The following TAF1 variants were observed in gnomAD, a reference collection of about 807,000 sequenced individuals.
TAF1 encodes TATA-box binding protein associated factor 1, also known as transcription initiation factor TFIID subunit 1.
Under a neutral mutation model 138.5 loss-of-function variants are expected in TAF1, and 2 were observed. That is an observed-to-expected ratio of 0.01 (90% CI 0.01 to 0.05). TAF1 has a LOEUF of 0.05. Among genes scored for constraint, TAF1 ranks in the 10% least tolerant of loss-of-function variants. TAF1 has a pLI of 1.00. For synonymous variants in TAF1, 437 were observed against 503.2 expected, an observed-to-expected ratio of 0.87 and a Z score of 1.76; for missense variants, 709 against 1,478.0, an observed-to-expected ratio of 0.48 and a Z score of 8.53.
chrX:71,450,180 T>A (rs1389374289), intron 32 of TAF1, among the ~76,000 whole-genome samples: 1 of 111,114 alleles, frequency 9.0e-6, no homozygotes, highest in Non-Finnish European at 1.9e-5. Flanking sequence ...TGACCTATAC[T>A]TGTAAGACGT....
In TAF1 at chrX:71,460,685, A is replaced by G. The variant is rs764807002; in HGVS notation, c.5281A>G (p.Lys1761Glu). The G allele has an allele frequency of 8.3e-7, 1 of 1,211,486 alleles. No homozygotes were observed. Among genetic ancestry groups the G allele is most frequent in the East Asian group, 3.0e-5 (1 of 33,867 alleles). ...SDVGSGGIRP[K>E]QPRMLQENTR... The stretch of plus-strand genomic sequence containing the variant: ...TGTGGGATCTGGTGGAATAAGACCC[A>G]AACAACCCCGCATGCTTCAGGAGAA... The change falls in exon 37 of 38, where the codon AAA (lysine) becomes GAA (glutamate). Residue 1761 changes from lysine (K) to glutamate (E), a missense_variant. This residue lies in a region of TAF1 where 123 missense variants were observed against 174.7 expected (regional missense o/e 0.70). Transcript: ENST00000423759.
chrX:71,378,046 T>A lies in TAF1; in HGVS notation c.934-189T>A, dbSNP rs867649947. 5 of 585,234 alleles carry A rather than the reference T, an allele frequency of 8.5e-6. No individual in the cohort carries two copies. In the Middle Eastern group the frequency reaches 1.7e-3, roughly 199 times the overall value. 48.2% of individuals were successfully genotyped at this position (585,234 alleles called of 1,213,427 possible). A position where few individuals can be genotyped will look rare whatever the true frequency, so the allele number is the denominator to read the frequency against. ...GGGATGAGAGGGGTAGATGGTGATA[T>A]GCTGCTGAATAAGAAGGTTTGATTG... On this transcript the variant is annotated intron_variant, in intron 6 of 37. Transcript: ENST00000423759.
chrX:71,528,402 T>G (rs2040037821), intron 13 of TAF1: 1 of 257,348 alleles, frequency 3.9e-6, no homozygotes, highest in African/African-American at 2.9e-5. Flanking sequence ...GTGGGTACTT[T>G]CAGACACACA....
At chrX:71,475,600 AG>A (rs1280434474) in intron 13 of TAF1, among the ~76,000 whole-genome samples, 5,514 of 106,652 alleles carry the variant, frequency 0.052, 433 homozygotes, top group African/African-American at 0.18. Flanking sequence ...AAAAAAAAAA[AG>A]AAAAAGAAAA....
Position 71,383,171 on chromosome X carries a change from T to C in TAF1, c.1947+7T>C, listed in dbSNP as rs1232904858. On this transcript the variant is annotated splice_region_variant and intron_variant, in intron 12 of 37. Transcript: ENST00000423759. Reference sequence around the variant, plus strand: ...CATCAAAAAAAAGGCCAAGGTATAATTGAATTCTGGTTAGAAAACAGCTAT... The same window carrying C: ...CATCAAAAAAAAGGCCAAGGTATAACTGAATTCTGGTTAGAAAACAGCTAT... 1 of 1,204,983 alleles carries C rather than the reference T, an allele frequency of 8.3e-7. No homozygotes were observed. Among genetic ancestry groups the C allele is most frequent in the African/African-American group, 1.8e-5 (1 of 56,904 alleles).
chrX:71,440,816 C>T (rs754046833), intron 32 of TAF1, among the ~76,000 whole-genome samples: 2 of 111,241 alleles, frequency 1.8e-5, no homozygotes, highest in African/African-American at 3.3e-5. Flanking sequence ...TTCTTGCTCT[C>T]GGTCTTAAAA....
chrX:71,425,432 G>C (rs1184713865), intron 32 of TAF1, among the ~76,000 whole-genome samples: 2 of 111,334 alleles, frequency 1.8e-5, no homozygotes, highest in East Asian at 2.8e-4. Flanking sequence ...AGGAGTTTGA[G>C]ACCAGCCTGG....
In TAF1 at chrX:71,368,048, T is replaced by A. The variant is rs759281352; in HGVS notation, c.236-6T>A. ...GTTGTTGCGATTCTCCCTGCTTTTT[T>A]CATAGGGTGGGTTAGGAGTACAGAA... On this transcript the variant is annotated splice_region_variant and splice_polypyrimidine_tract_variant and intron_variant, in intron 2 of 37. Transcript: ENST00000423759. 5 of 1,208,892 alleles carry A rather than the reference T, an allele frequency of 4.1e-6. No homozygotes were observed. In the South Asian group the frequency reaches 8.8e-5, roughly 21 times the overall value.
chrX:71,462,973 T>A (rs2038614456), intron 37 of TAF1, among the ~76,000 whole-genome samples: 1 of 111,922 alleles, frequency 8.9e-6, no homozygotes, highest in Non-Finnish European at 1.9e-5. Context: ...TGAGAGACTG[T>A]TAAGTCATGT....
rs941024099 is a variant in TAF1, at chrX:71,524,680, C to T, written c.1367-3862C>T. Among the ~76,000 whole-genome samples, 31 of 108,809 alleles carry T rather than the reference C, an allele frequency of 2.8e-4. 1 individual carries two copies. Among genetic ancestry groups the T allele is most frequent in the Non-Finnish European group, 3.8e-4 (20 of 52,385 alleles). 94.5% of individuals were successfully genotyped at this position (108,809 alleles called of 115,157 possible). On this transcript the variant is annotated intron_variant and NMD_transcript_variant, in intron 13 of 14. Coordinates refer to the TAF1 transcript ENST00000373775. ...AAAAATGGCTGGGTGTGGTGGCTCA[C>T]GCCTGTAATCCCAGCACTTTGGGAG...
At chrX:71,401,476 A>G in intron 24 of TAF1, 52 bp from the exon 25 acceptor site, 1 of 1,182,800 alleles carries the variant, frequency 8.5e-7, no homozygotes, top group Non-Finnish European at 1.1e-6. Flanking sequence ...TATCTCTGAT[A>G]TGTGTTTCAG....
chrX:71,373,319 C>G (rs915485594), intron 3 of TAF1, among the ~76,000 whole-genome samples: 1 of 109,963 alleles, frequency 9.1e-6, no homozygotes, highest in African/African-American at 3.3e-5. Context: ...AGGCCCGTGC[C>G]ACCTCTCCCA....
chrX:71,511,118 TA>T (rs374370428), intron 13 of TAF1, among the ~76,000 whole-genome samples: 11 of 102,629 alleles, frequency 1.1e-4, no homozygotes, highest in African/African-American at 2.5e-4. Flanking sequence ...ATAAAAAAAA[TA>T]AAAAAAAAAG....
chrX:71,400,718 G>C (rs908153737), intron 24 of TAF1, among the ~76,000 whole-genome samples: 1 of 112,220 alleles, frequency 8.9e-6, no homozygotes, highest in Admixed American at 9.5e-5. Context: ...CCACAGTGTT[G>C]TTGTATTAAA....
chrX:71,374,095 T>C (rs753284232), intron 3 of TAF1, among the ~76,000 whole-genome samples: 2 of 111,196 alleles, frequency 1.8e-5, no homozygotes, highest in African/African-American at 3.3e-5. Context: ...TTCTTTCTTT[T>C]TTTTTTTTGA....
At chrX:71,520,461 T>G (rs186415020) in intron 13 of TAF1, among the ~76,000 whole-genome samples, 1 of 107,488 alleles carries the variant, frequency 9.3e-6, no homozygotes, top group African/African-American at 3.4e-5. Flanking sequence ...GGCAGGCTGA[T>G]CACTAGGTCA....
At chrX:71,506,984 G>C (rs182066966) in intron 13 of TAF1, among the ~76,000 whole-genome samples, 1 of 111,875 alleles carries the variant, frequency 8.9e-6, no homozygotes, top group Non-Finnish European at 1.9e-5. Flanking sequence ...GTCACACATT[G>C]TATGATTCCA....
At chrX:71,526,202 A>G (rs753748764) in intron 13 of TAF1, among the ~76,000 whole-genome samples, 2 of 112,074 alleles carry the variant, frequency 1.8e-5, no homozygotes, top group Admixed American at 1.9e-4. Flanking sequence ...TTGCAAGATA[A>G]TACAATCACT....
chrX:71,417,032 A>AG (rs1270264035), intron 28 of TAF1, among the ~76,000 whole-genome samples: 4 of 109,992 alleles, frequency 3.6e-5, no homozygotes, highest in African/African-American at 1.3e-4. Flanking sequence ...AAAAAAAAAA[A>AG]AAAAAAATTT....
Sources: allele counts gnomAD v4.1 joint callset (sites outside exome capture counted in the v4.1 genomes callset), GRCh38; gene constraint gnomAD v4.1.1; regional missense constraint gnomAD v4.1.1; transcripts MANE v1.5; gene names NCBI Gene and HGNC (gene_info 2026-07-23, HGNC 2026-07-21).